Variants in DHX15 observed in about 807,000 individuals in gnomAD.
DHX15 encodes the protein DEAH-box helicase 15.
DHX15 carries 11 observed loss-of-function variants against 94.4 expected under a neutral mutation model. The ratio of observed to expected loss-of-function variants is 0.12; its 90% CI spans 0.07 to 0.19. The LOEUF (loss-of-function observed/expected upper bound fraction) is 0.19. Ranked by LOEUF, DHX15 falls within the 10% of genes least tolerant of loss-of-function variation. The probability of loss-of-function intolerance (pLI) is 1.00; values close to 1 mark genes in which losing one functional copy is unlikely to be tolerated. For missense variants in DHX15, 304 were observed against 988.5 expected (o/e 0.31, Z 9.29); for synonymous variants, 338 against 329.9 (o/e 1.02, Z -0.27).
intron 3 of DHX15, among the ~76,000 whole-genome samples, chr4:24,557,658 T>C (rs896704342): frequency 6.6e-6 from 1 of 152,146 alleles, no homozygotes; most frequent in Non-Finnish European, 1.5e-5. Context: ...ACCACATTCC[T>C]GGGAGGGACA....
intron 6 of DHX15, among the ~76,000 whole-genome samples, chr4:24,545,068 G>A (rs1721394443): frequency 6.6e-6 from 1 of 152,110 alleles, no homozygotes; most frequent in African/African-American, 2.4e-5. Flanking sequence ...CTATGATCAT[G>A]GCACAGAACT....
intron 8 of DHX15, among the ~76,000 whole-genome samples, chr4:24,541,527 A>C (rs1309983289): frequency 6.6e-6 from 1 of 152,162 alleles, no homozygotes; most frequent in Non-Finnish European, 1.5e-5. Flanking sequence ...AAAGAAAAAA[A>C]GTTGAAACCT....
intron 3 of DHX15, among the ~76,000 whole-genome samples, chr4:24,568,171 G>A (rs759775694): frequency 2.0e-5 from 3 of 152,172 alleles, no homozygotes; most frequent in Non-Finnish European, 4.4e-5. Context: ...GCCTAAGTTA[G>A]CCTCTTTACC....
chr4:24,527,762 T>C lies in DHX15; in HGVS notation c.*162A>G. The C allele has an allele frequency of 1.8e-6, 1 of 547,706 alleles. No individual in the cohort carries two copies. Among genetic ancestry groups the C allele is most frequent in the South Asian group, 3.0e-5 (1 of 33,830 alleles). The allele number at this position is 547,706 out of a possible 1,614,324, so 33.9% of individuals were successfully genotyped here. A position where few individuals can be genotyped will look rare whatever the true frequency, so the allele number is the denominator to read the frequency against. On this transcript the variant is annotated 3_prime_UTR_variant, in exon 14 of 14. Coordinates refer to ENST00000336812, the MANE Select transcript of DHX15 (RefSeq NM_001358.3). ...CAACACAAAAGGGAGGCATAAATGTTTAATTTATGAAATCAGAATGGAATA... is the reference window on the plus strand; with the variant it reads ...CAACACAAAAGGGAGGCATAAATGTCTAATTTATGAAATCAGAATGGAATA...
At chr4:24,532,460 C>T (rs1051091864) in intron 12 of DHX15, among the ~76,000 whole-genome samples, 2 of 152,142 alleles carry the variant, frequency 1.3e-5, no homozygotes, top group African/African-American at 4.8e-5. Flanking sequence ...CCTTTTAGTA[C>T]TCTGTTATGA....
At position 24,527,760 on chromosome 4, in the gene DHX15, GTTTAA is replaced by G. The variant is rs1291433927; in HGVS notation, c.*159_*163del. The G allele has an allele frequency of 1.8e-6, 1 of 546,776 alleles. No homozygotes were observed. The highest frequency in any genetic ancestry group is 3.2e-6 in the Non-Finnish European group (1 of 307,950). The allele number at this position is 546,776 out of a possible 1,614,324, so 33.9% of individuals were successfully genotyped here. A position where few individuals can be genotyped will look rare whatever the true frequency, so the allele number is the denominator to read the frequency against. ...GTCAACACAAAAGGGAGGCATAAAT[GTTTAA>G]TTTATGAAATCAGAATGGAATATTT... On this transcript the variant is annotated 3_prime_UTR_variant, in exon 14 of 14. Coordinates refer to ENST00000336812, the MANE Select transcript of DHX15 (RefSeq NM_001358.3).
At chr4:24,553,572 G>A (rs1164246103) in intron 5 of DHX15, among the ~76,000 whole-genome samples, 3 of 151,714 alleles carry the variant, frequency 2.0e-5, no homozygotes, top group Non-Finnish European at 4.4e-5. Flanking sequence ...TCAGGAGTTC[G>A]AGACTAGCCT....
chr4:24,558,801 G>A (rs895029624), intron 3 of DHX15, among the ~76,000 whole-genome samples: 1 of 152,008 alleles, frequency 6.6e-6, no homozygotes, highest in Non-Finnish European at 1.5e-5. Flanking sequence ...CTTTTCCAGT[G>A]AAGAAAACGA....
At chr4:24,536,148 C>T (rs575965920) in intron 11 of DHX15, among the ~76,000 whole-genome samples, 2 of 152,278 alleles carry the variant, frequency 1.3e-5, no homozygotes, top group African/African-American at 2.4e-5. Context: ...TATGTTTCCT[C>T]ATTTACAAGT....
intron 5 of DHX15, among the ~76,000 whole-genome samples, chr4:24,551,212 T>A (rs1368428549): frequency 6.6e-6 from 1 of 152,152 alleles, no homozygotes; most frequent in Non-Finnish European, 1.5e-5. Context: ...AAGTATTAAT[T>A]CAATTAAACC....
chr4:24,543,111 G>T, intron 6 of DHX15, 85 bp from the exon 7 acceptor site: 2 of 862,762 alleles, frequency 2.3e-6, no homozygotes, highest in Non-Finnish European at 3.6e-6. Context: ...AACTTTCACT[G>T]ACACAAGGAA....
chr4:24,558,275 G>A (rs1721785322), intron 3 of DHX15, among the ~76,000 whole-genome samples: 2 of 152,116 alleles, frequency 1.3e-5, no homozygotes, highest in African/African-American at 2.4e-5. Context: ...TAGATTGTGA[G>A]ACACATTGTA....
At chr4:24,544,313 A>C (rs1486691678) in intron 6 of DHX15, among the ~76,000 whole-genome samples, 2 of 152,206 alleles carry the variant, frequency 1.3e-5, no homozygotes, top group African/African-American at 4.8e-5. Context: ...ATATTTACTA[A>C]GTAGTAGACT....
intron 8 of DHX15, among the ~76,000 whole-genome samples, chr4:24,541,311 A>T (rs1721304275): frequency 6.6e-6 from 1 of 152,154 alleles, no homozygotes; most frequent in Non-Finnish European, 1.5e-5. Context: ...TCTTAGTAGT[A>T]TGCTATATAC....
At chr4:24,558,227 CAAT>C (rs1330012131) in intron 3 of DHX15, among the ~76,000 whole-genome samples, 2 of 152,072 alleles carry the variant, frequency 1.3e-5, no homozygotes, top group African/African-American at 4.8e-5. Context: ...CATTCACAGG[CAAT>C]AATAACCAAA....
intron 5 of DHX15, among the ~76,000 whole-genome samples, chr4:24,553,129 C>A (rs1299267251): frequency 6.6e-6 from 1 of 151,950 alleles, no homozygotes; most frequent in Non-Finnish European, 1.5e-5. Flanking sequence ...TCAAGACCAG[C>A]CTGACCAACA....
chr4:24,570,574 T>A, intron 3 of DHX15, 80 bp downstream of exon 3: 3 of 1,322,312 alleles, frequency 2.3e-6, no homozygotes, highest in Non-Finnish European at 3.2e-6. Context: ...GACATAAGCC[T>A]GCACTAGCAA....
At chr4:24,579,623 TCA>T (rs1040854893) in intron 1 of DHX15, among the ~76,000 whole-genome samples, 18 of 152,336 alleles carry the variant, frequency 1.2e-4, no homozygotes, top group African/African-American at 4.3e-4. Context: ...AACTATAGGA[TCA>T]CAGTTATTTC....
rs1560765929 is a variant in DHX15, at chr4:24,547,937, A to ATGTATC, written c.1248+917_1248+918insGATACA. The stretch of plus-strand genomic sequence containing the variant: ...TATATATATATATATATATATATAT[A>ATGTATC]TATATCTATATCTATATCTATATCT... On this transcript the variant is annotated intron_variant, in intron 6 of 13. Transcript: ENST00000336812. Among the ~76,000 whole-genome samples, 145 of 34,020 alleles carry ATGTATC rather than the reference A, an allele frequency of 4.3e-3. 3 individuals are homozygous for ATGTATC. The highest frequency in any genetic ancestry group is 0.017 in the Middle Eastern group (1 of 60). 22.3% of individuals were successfully genotyped at this position (34,020 alleles called of 152,430 possible).
Sources: allele counts gnomAD v4.1 joint callset (sites outside exome capture counted in the v4.1 genomes callset), GRCh38; gene constraint gnomAD v4.1.1; transcripts MANE v1.5; gene names NCBI Gene and HGNC (gene_info 2026-07-23, HGNC 2026-07-21).